The following LARP1 variants were observed in gnomAD, a reference collection of about 807,000 sequenced individuals.
The protein encoded by LARP1 is la-related protein 1.
In LARP1, 36 loss-of-function variants were observed where a neutral mutation model predicts 122.7. The ratio of observed to expected loss-of-function variants is 0.29; its 90% CI spans 0.22 to 0.39. The LOEUF is 0.39. Ranked by LOEUF, LARP1 falls within the 10% of genes least tolerant of loss-of-function variation. The pLI, the probability that LARP1 is intolerant of heterozygous loss-of-function variation, is 1.00. For missense variants in LARP1, 1,040 were observed against 1,403.6 expected (o/e 0.74, Z 4.14); for synonymous variants, 539 against 528.7 (o/e 1.02, Z -0.27).
chr5:154,689,009 AT>A (rs1754065995), intron 1 of LARP1, among the ~76,000 whole-genome samples: 1 of 152,270 alleles, frequency 6.6e-6, no homozygotes, highest in Non-Finnish European at 1.5e-5. Flanking sequence ...TTTCCAAGTT[AT>A]TAAATATGTT....
intron 1 of LARP1, chr5:154,756,570 C>T: frequency 1.1e-6 from 1 of 897,930 alleles, no homozygotes; most frequent in Non-Finnish European, 1.3e-6. Context: ...GCCCCTCTTC[C>T]CACCCCGCCC....
intron 1 of LARP1, among the ~76,000 whole-genome samples, chr5:154,748,015 T>C (rs901764834): frequency 1.3e-5 from 2 of 152,128 alleles, no homozygotes; most frequent in African/African-American, 4.8e-5. Flanking sequence ...CCCAGCTAAT[T>C]TCTTTTTTAT....
intron 8 of LARP1, among the ~76,000 whole-genome samples, chr5:154,796,020 T>G (rs1757767214): frequency 1.0e-5 from 1 of 99,078 alleles, no homozygotes; most frequent in African/African-American, 4.0e-5. Context: ...TATTTATATA[T>G]TATATATATT....
chr5:154,693,071 T>A (rs1451153362), intron 1 of LARP1, among the ~76,000 whole-genome samples: 3 of 150,922 alleles, frequency 2.0e-5, no homozygotes, highest in Non-Finnish European at 2.9e-5. Context: ...GGGATCCTCC[T>A]GCCTCAGCCT....
chr5:154,685,822 TAAA>T (rs1561524563), intron 1 of LARP1: 6 of 472,384 alleles, frequency 1.3e-5, no homozygotes, highest in Admixed American at 2.2e-5. Flanking sequence ...TTTTTTTTTT[TAAA>T]TTTTAGAGAC....
At chr5:154,689,177 G>T (rs1754076290) in intron 1 of LARP1, among the ~76,000 whole-genome samples, 2 of 151,916 alleles carry the variant, frequency 1.3e-5, no homozygotes, top group African/African-American at 4.9e-5. Context: ...AAATTGGCTG[G>T]GTGCGGTGGC....
At chr5:154,743,076 A>G (rs1752991465) in intron 1 of LARP1, among the ~76,000 whole-genome samples, 1 of 152,186 alleles carries the variant, frequency 6.6e-6, no homozygotes, top group Admixed American at 6.5e-5. Flanking sequence ...CTACAGCCAA[A>G]CACTCATTTA....
At chr5:154,712,702 T>C (rs1344595677), upstream of LARP1, among the ~76,000 whole-genome samples, 2 of 152,148 alleles carry the variant, frequency 1.3e-5, no homozygotes, top group African/African-American at 4.8e-5. Flanking sequence ...CACCTGAGTC[T>C]CTCTGCCTCT....
rs533666295 is a variant in LARP1, at chr5:154,687,057, T to C, written c.-180+4020T>C. On this transcript the variant is annotated intron_variant, in intron 1 of 18. Coordinates refer to the LARP1 transcript ENST00000687700. Reference sequence around the variant, plus strand: ...CTGTGATTTTGCCAAGAGGCAGGGGTGGGTCTGGGGGAAGATGGACGGTGC... The same window carrying C: ...CTGTGATTTTGCCAAGAGGCAGGGGCGGGTCTGGGGGAAGATGGACGGTGC... Among the ~76,000 whole-genome samples the C allele has an allele frequency of 3.3e-5, 5 of 152,218 alleles. No individual in the cohort carries two copies. In the South Asian group the frequency reaches 1.0e-3, roughly 32 times the overall value.
rs373318317 is a variant in LARP1 at position 154,792,811 on chromosome 5, G to A, written c.739+15G>A. 5.0e-6 allele frequency: 8 copies of A among 1,612,504 alleles called. No individual in the cohort carries two copies. The African/African-American group carries it at 1.1e-4, about 22-fold the overall frequency. On this transcript the variant is annotated intron_variant, in intron 4 of 18. Transcript: ENST00000518297. ...GAAGAAGAAAGGTGAGTGACTGGGA[G>A]CAGGACTTGGGAGAAGGTGGCAGGG...
intron 1 of LARP1, among the ~76,000 whole-genome samples, chr5:154,693,487 A>G (rs1266949578): frequency 6.6e-6 from 1 of 152,142 alleles, no homozygotes; most frequent in Non-Finnish European, 1.5e-5. Context: ...AGATGAATAC[A>G]TAGCTTAAAG....
At chr5:154,804,759 TTTTA>T in intron 14 of LARP1, 1 of 456,334 alleles carries the variant, frequency 2.2e-6, no homozygotes, top group South Asian at 1.5e-5. Flanking sequence ...CCACACTCTT[TTTTA>T]TTTATTTCAG....
intron 15 of LARP1, among the ~76,000 whole-genome samples, 160 bp downstream of exon 15, chr5:154,806,192 C>G (rs1755408510): frequency 6.6e-6 from 1 of 152,106 alleles, no homozygotes; most frequent in Admixed American, 6.5e-5. Flanking sequence ...AGACTCGGGC[C>G]AGGTAGTTTT....
chr5:154,802,508 G>A lies in LARP1; in HGVS notation c.2109+109G>A. 7.5e-7 allele frequency: 1 copy of A among 1,329,724 alleles called. No individual in the cohort carries two copies. The highest frequency in any genetic ancestry group is 1.6e-5 in the South Asian group (1 of 62,994). The allele number at this position is 1,329,724 out of a possible 1,614,324, so 82.4% of individuals were successfully genotyped here. A position where few individuals can be genotyped will look rare whatever the true frequency, so the allele number is the denominator to read the frequency against. ...TTTAGGCAGGTCCTTATAATTCAGA[G>A]TCTCAGGATTTTTATATATGGGAAG... On this transcript the variant is annotated intron_variant, in intron 11 of 18. Transcript: ENST00000518297. The surrounding 1 kb of genome is among the most constrained non-coding windows in gnomAD (Gnocchi z 5.1).
At chr5:154,744,731 G>A (rs1242341112) in intron 1 of LARP1, among the ~76,000 whole-genome samples, 3 of 108,752 alleles carry the variant, frequency 2.8e-5, no homozygotes, top group South Asian at 3.0e-4. Context: ...TCCGCCTCCC[G>A]GGTTCACGCC....
chr5:154,755,602 GA>G lies in LARP1; in HGVS notation c.-155del. On this transcript the variant is annotated 5_prime_UTR_variant, in exon 1 of 19. Coordinates refer to ENST00000518297, the MANE Select transcript of LARP1 (RefSeq NM_033551.3). ...ATTTACGGCGGCTGCATCTAACTGGGAGGGGGCCGCACCTCGCGTGAACCCC... is the reference window on the plus strand; with the variant it reads ...ATTTACGGCGGCTGCATCTAACTGGGGGGGGCCGCACCTCGCGTGAACCCC... 1.0e-6 allele frequency: 1 copy of G among 987,646 alleles called. No homozygotes were observed. Among genetic ancestry groups the G allele is most frequent in the Non-Finnish European group, 1.2e-6 (1 of 830,232 alleles). 61.2% of individuals were successfully genotyped at this position (987,646 alleles called of 1,614,324 possible).
chr5:154,778,121 G>A (rs964778672), intron 1 of LARP1, among the ~76,000 whole-genome samples: 30 of 151,942 alleles, frequency 2.0e-4, no homozygotes, highest in Admixed American at 1.9e-3. Flanking sequence ...TTAGCTGGGC[G>A]TGGTGGTGGG....
intron 1 of LARP1, among the ~76,000 whole-genome samples, chr5:154,724,666 AT>A (rs199755292): frequency 0.12 from 17,849 of 144,436 alleles, 2,148 homozygotes; most frequent in African/African-American, 0.32. Context: ...TTCACTGGGA[AT>A]TTTTTTTTTT....
chr5:154,739,945 TCCCAGCACTTCAGGAGG>T (rs1436052341), intron 1 of LARP1, among the ~76,000 whole-genome samples: 1 of 151,998 alleles, frequency 6.6e-6, no homozygotes, highest in Non-Finnish European at 1.5e-5. Context: ...ATGCCTGTAA[TCCCAGCACTTCAGGAGG>T]CTGAGGCAGG....
Sources: allele counts gnomAD v4.1 joint callset (sites outside exome capture counted in the v4.1 genomes callset), GRCh38; gene constraint gnomAD v4.1.1; non-coding constraint Gnocchi (gnomAD v3.1); transcripts MANE v1.5; gene names NCBI Gene and HGNC (gene_info 2026-07-23, HGNC 2026-07-21).